NARS2: variants seen among roughly 807,000 people sequenced by gnomAD.
NARS2 encodes asparaginyl-tRNA synthetase.
Under a neutral mutation model 62.9 loss-of-function variants are expected in NARS2, and 60 were observed. That is an observed-to-expected ratio of 0.95 (90% CI 0.77 to 1.18). NARS2 has a LOEUF of 1.18. Ranked by LOEUF, NARS2 falls within the 50% of genes most tolerant of loss-of-function variation. NARS2 has a pLI of 0.00. For missense variants in NARS2, 619 were observed against 576.4 expected, an observed-to-expected ratio of 1.07 and a Z score of -0.76; for synonymous variants, 196 against 200.0, an observed-to-expected ratio of 0.98 and a Z score of 0.17.
At chr11:78,510,741 A>C (rs1860691201) in intron 6 of NARS2, among the ~76,000 whole-genome samples, 1 of 152,244 alleles carries the variant, frequency 6.6e-6, no homozygotes, top group African/African-American at 2.4e-5. Flanking sequence ...ACTTAATGTC[A>C]CTGAACTACA....
intron 5 of NARS2, among the ~76,000 whole-genome samples, chr11:78,554,508 C>CGTGTGTGCGTGTGTGTGTGTGT: frequency 1.4e-5 from 2 of 147,016 alleles, no homozygotes; most frequent in East Asian, 2.0e-4. Context: ...GGCGTGTGTG[C>CGTGTGTGCGTGTGTGTGTGTGT]GTGTGTGTGT....
intron 11 of NARS2, among the ~76,000 whole-genome samples, chr11:78,450,185 C>T (rs933461994): frequency 6.6e-6 from 1 of 152,172 alleles, no homozygotes; most frequent in African/African-American, 2.4e-5. Context: ...TCCTCATCTA[C>T]GTGGACTCTT....
chr11:78,521,055 T>C (rs1300243229), intron 6 of NARS2, among the ~76,000 whole-genome samples: 15 of 130,104 alleles, frequency 1.2e-4, no homozygotes, highest in African/African-American at 4.5e-4. Flanking sequence ...CAAGACTCTG[T>C]CTCCAAAAAA....
Position 78,478,433 on chromosome 11 carries a change from CT to C in NARS2, c.959+4del. ...TAAAGTTCAAAAAGTATAACATCTA[CT>C]TACATTAAAAAGTTGTTTTTTAGCA... On this transcript the variant is annotated splice_donor_region_variant and intron_variant, in intron 9 of 13. Coordinates refer to ENST00000281038, the MANE Select transcript of NARS2 (RefSeq NM_024678.6). The C allele has an allele frequency of 9.6e-7, 1 of 1,046,644 alleles. No individual in the cohort carries two copies. The allele number at this position is 1,046,644 out of a possible 1,614,324, so 64.8% of individuals were successfully genotyped here.
At chr11:78,499,785 C>T (rs781492619) in intron 6 of NARS2, among the ~76,000 whole-genome samples, 4 of 152,196 alleles carry the variant, frequency 2.6e-5, no homozygotes, top group Non-Finnish European at 5.9e-5. Flanking sequence ...CAACAATGGA[C>T]TCTTCAGGAC....
intron 6 of NARS2, among the ~76,000 whole-genome samples, chr11:78,525,919 A>C (rs904683855): frequency 2.6e-5 from 4 of 152,160 alleles, no homozygotes; most frequent in African/African-American, 9.6e-5. Flanking sequence ...TCTAATCATG[A>C]GAAAAATGTC....
intron 5 of NARS2, among the ~76,000 whole-genome samples, chr11:78,554,828 C>A (rs1371288492): frequency 6.6e-6 from 1 of 152,146 alleles, no homozygotes; most frequent in African/African-American, 2.4e-5. Context: ...GTGAGGGCAT[C>A]CTATAGTCTT....
intron 3 of NARS2, among the ~76,000 whole-genome samples, chr11:78,568,380 G>C (rs915687413): frequency 1.3e-5 from 2 of 152,110 alleles, no homozygotes; most frequent in African/African-American, 4.8e-5. Flanking sequence ...GGCTGACTGG[G>C]CATGCTTGTA....
intron 1 of NARS2, 192 bp from the exon 2 acceptor site, chr11:78,571,636 CTA>C (rs1856927514): frequency 2.1e-6 from 1 of 480,502 alleles, no homozygotes; most frequent in African/African-American, 1.9e-5. Context: ...CTTTGGTATT[CTA>C]TCTTTTGTTT....
intron 1 of NARS2, 31 bp downstream of exon 1, chr11:78,574,317 G>GA (rs753734697): frequency 1.2e-6 from 2 of 1,614,068 alleles, no homozygotes; most frequent in East Asian, 2.2e-5. Context: ...GTCCCTACAA[G>GA]AAAAAACCCA....
At chr11:78,469,458 AAG>A in intron 9 of NARS2, 145 bp from the exon 10 acceptor site, 5 of 622,194 alleles carry the variant, frequency 8.0e-6, no homozygotes, top group Non-Finnish European at 1.4e-5. Flanking sequence ...AATCCTATGA[AAG>A]AATGATCTGC....
At chr11:78,482,193 C>T (rs1001653878) in intron 7 of NARS2, among the ~76,000 whole-genome samples, 1 of 152,038 alleles carries the variant, frequency 6.6e-6, no homozygotes, top group Admixed American at 6.6e-5. Context: ...TTGACTACAA[C>T]CTATCTCTCT....
chr11:78,464,778 G>C (rs1454893046), intron 11 of NARS2, among the ~76,000 whole-genome samples: 1 of 152,184 alleles, frequency 6.6e-6, no homozygotes, highest in Non-Finnish European at 1.5e-5. Flanking sequence ...GAGCTAGACA[G>C]AGGGTGCTGT....
chr11:78,551,299 A>AC (rs535105260), intron 5 of NARS2, among the ~76,000 whole-genome samples: 65 of 152,222 alleles, frequency 4.3e-4, no homozygotes, highest in Middle Eastern at 3.4e-3. Flanking sequence ...ATAGCCTACT[A>AC]CCCCCAGGCT....
At chr11:78,468,242 G>A (rs1231656877) in intron 10 of NARS2, among the ~76,000 whole-genome samples, 1 of 132,454 alleles carries the variant, frequency 7.5e-6, no homozygotes, top group Non-Finnish European at 1.5e-5. Context: ...TTCCAGAGTG[G>A]CTCATAAACT....
chr11:78,490,920 C>T (rs772197113), intron 7 of NARS2, among the ~76,000 whole-genome samples: 1 of 152,196 alleles, frequency 6.6e-6, no homozygotes, highest in Non-Finnish European at 1.5e-5. Flanking sequence ...ATTCTGCTCA[C>T]ACTTACTAAA....
At chr11:78,533,208 C>T (rs1861544021) in intron 5 of NARS2, 2 of 152,200 alleles carry the variant, frequency 1.3e-5, no homozygotes, top group South Asian at 4.1e-4. Flanking sequence ...GGTCAGACTA[C>T]TCTCAAGGTT....
chr11:78,447,615 A>G (rs1857809893), intron 11 of NARS2, among the ~76,000 whole-genome samples: 1 of 152,102 alleles, frequency 6.6e-6, no homozygotes, highest in South Asian at 2.1e-4. Flanking sequence ...CCATCAACAG[A>G]TGAATGGACA....
At chr11:78,464,249 G>A (rs566561556) in intron 11 of NARS2, among the ~76,000 whole-genome samples, 59 of 152,194 alleles carry the variant, frequency 3.9e-4, no homozygotes, top group South Asian at 1.5e-3. Flanking sequence ...AGATCTTCGC[G>A]GTGAGTGTTA....
Sources: gnomAD v4.1 joint callset for allele counts (sites outside exome capture counted in the v4.1 genomes callset) on GRCh38, gnomAD v4.1.1 for gene constraint, MANE v1.5 for transcripts, NCBI Gene and HGNC (gene_info 2026-07-23, HGNC 2026-07-21) for gene names.